The following RBM26 variants were observed in gnomAD, a reference collection of about 807,000 sequenced individuals.
RBM26 encodes the protein RNA-binding protein 26.
A neutral mutation model predicts 123.6 loss-of-function variants in RBM26; 30 were observed. That is an observed-to-expected ratio of 0.24 (90% CI 0.18 to 0.33). The LOEUF is 0.33. Ranked by LOEUF, RBM26 falls within the 10% of genes least tolerant of loss-of-function variation. RBM26 has a pLI of 1.00. For synonymous variants in RBM26, 400 were observed against 404.4 expected (o/e 0.99, Z 0.13); for missense variants, 947 against 1,203.6 (o/e 0.79, Z 3.15).
At chr13:79,332,213 C>T (rs958205487) in intron 20 of RBM26, among the ~76,000 whole-genome samples, 1 of 152,080 alleles carries the variant, frequency 6.6e-6, no homozygotes, top group South Asian at 2.1e-4. Context: ...CTTGGGAAGG[C>T]CTATCCTTTA....
At chr13:79,383,552 C>T (rs2077236476) in intron 1 of RBM26, among the ~76,000 whole-genome samples, 1 of 151,960 alleles carries the variant, frequency 6.6e-6, no homozygotes, top group Non-Finnish European at 1.5e-5. Context: ...TAGTGATTAT[C>T]GTCCAAATAT....
intron 18 of RBM26, among the ~76,000 whole-genome samples, chr13:79,338,007 C>T (rs2070733218): frequency 1.3e-5 from 2 of 152,088 alleles, no homozygotes; most frequent in Non-Finnish European, 2.9e-5. Flanking sequence ...CAACTGAGGC[C>T]AAAAGTTCAA....
chr13:79,360,426 G>A (rs1348923109), intron 9 of RBM26, among the ~76,000 whole-genome samples: 1 of 151,996 alleles, frequency 6.6e-6, no homozygotes, highest in Non-Finnish European at 1.5e-5. Flanking sequence ...ATGTGATTCT[G>A]TAGGTCACTT....
chr13:79,344,100 G>A (rs2071885801), intron 16 of RBM26, 148 bp downstream of exon 16: 6 of 676,374 alleles, frequency 8.9e-6, no homozygotes, highest in South Asian at 6.4e-5. Flanking sequence ...TCTGATGTAT[G>A]CTCTTCATCT....
intron 11 of RBM26, 94 bp from the exon 12 acceptor site, chr13:79,355,478 A>C: frequency 1.1e-6 from 1 of 897,068 alleles, no homozygotes; most frequent in Non-Finnish European, 1.7e-6. Flanking sequence ...TGGTCCTTCC[A>C]AGTAAGATTC....
intron 1 of RBM26, among the ~76,000 whole-genome samples, chr13:79,382,520 T>C (rs575181168): frequency 3.3e-5 from 5 of 152,154 alleles, no homozygotes; most frequent in African/African-American, 1.2e-4. Context: ...GATCACCAAG[T>C]GCTCCAACTG....
At chr13:79,393,842 G>T (rs977145210) in intron 1 of RBM26, among the ~76,000 whole-genome samples, 2 of 152,142 alleles carry the variant, frequency 1.3e-5, no homozygotes, top group Admixed American at 1.3e-4. Flanking sequence ...TGCAGTGCTT[G>T]GGGTTTCCTG....
At chr13:79,350,507 C>A (rs2073070477) in intron 14 of RBM26, among the ~76,000 whole-genome samples, 1 of 152,118 alleles carries the variant, frequency 6.6e-6, no homozygotes, top group Non-Finnish European at 1.5e-5. Flanking sequence ...TAACTAAATA[C>A]CTCTTGCAAT....
At chr13:79,369,079 CAT>C in intron 5 of RBM26, 89 bp from the exon 6 acceptor site, 9 of 821,830 alleles carry the variant, frequency 1.1e-5, no homozygotes, top group Non-Finnish European at 1.6e-5. Flanking sequence ...TTTTTATAAA[CAT>C]AGAAAAAAAA....
At chr13:79,327,145 A>G (rs1432909085) in intron 20 of RBM26, among the ~76,000 whole-genome samples, 1 of 151,918 alleles carries the variant, frequency 6.6e-6, no homozygotes, top group African/African-American at 2.4e-5. Context: ...AAAATACAAA[A>G]ATTAGCCAAC....
chr13:79,331,280 A>T (rs569637918), intron 20 of RBM26, among the ~76,000 whole-genome samples: 31 of 150,926 alleles, frequency 2.1e-4, no homozygotes, highest in Middle Eastern at 3.4e-3. Context: ...GTGGGATTAC[A>T]GGTGTGAGCC....
At chr13:79,368,677 TA>T in intron 6 of RBM26, 52 bp downstream of exon 6, 1 of 1,530,578 alleles carries the variant, frequency 6.5e-7, no homozygotes, top group Non-Finnish European at 8.9e-7. Flanking sequence ...ACACAGAATT[TA>T]GGCAGCTGGA....
At chr13:79,402,691 G>A (rs573034061) in intron 1 of RBM26, among the ~76,000 whole-genome samples, 2 of 151,884 alleles carry the variant, frequency 1.3e-5, no homozygotes, top group African/African-American at 4.8e-5. Context: ...AACCTATAAC[G>A]CTTTCACAGG....
chr13:79,351,233 T>C (rs2073164098), intron 14 of RBM26, among the ~76,000 whole-genome samples: 1 of 152,182 alleles, frequency 6.6e-6, no homozygotes, highest in Non-Finnish European at 1.5e-5. Context: ...ATTTTAGATG[T>C]CTCTAGAATT....
chr13:79,397,521 GA>G (rs112437551), intron 1 of RBM26, among the ~76,000 whole-genome samples: 1 of 146,296 alleles, frequency 6.8e-6, no homozygotes, highest in Non-Finnish European at 1.5e-5. Flanking sequence ...TACTAAAAAT[GA>G]AAAAAAAAAG....
chr13:79,360,804 G>GA (rs1333613418), intron 9 of RBM26, among the ~76,000 whole-genome samples: 5 of 152,122 alleles, frequency 3.3e-5, no homozygotes, highest in African/African-American at 1.2e-4. Context: ...GGCATGTAAT[G>GA]AGCATAGTAC....
At chr13:79,398,253 A>T (rs879520028) in intron 1 of RBM26, among the ~76,000 whole-genome samples, 2 of 152,220 alleles carry the variant, frequency 1.3e-5, no homozygotes, top group Non-Finnish European at 2.9e-5. Flanking sequence ...TCAGTTAGTC[A>T]TTCTCAAGCT....
At chr13:79,314,007 C>T (rs1441545549), downstream of RBM26, 1 of 151,602 alleles carries the variant, frequency 6.6e-6, no homozygotes, top group African/African-American at 2.4e-5. Flanking sequence ...TAAATGCCTC[C>T]TGAGAATCTA....
intron 1 of RBM26, among the ~76,000 whole-genome samples, chr13:79,393,205 A>G (rs2078255223): frequency 6.6e-6 from 1 of 152,182 alleles, no homozygotes; most frequent in African/African-American, 2.4e-5. Flanking sequence ...ACCATTCAAA[A>G]GACAAGGAAA....
Sources: allele counts gnomAD v4.1 joint callset (sites outside exome capture counted in the v4.1 genomes callset), GRCh38; gene constraint gnomAD v4.1.1; transcripts MANE v1.5; gene names NCBI Gene and HGNC (gene_info 2026-07-23, HGNC 2026-07-21).